The following GABRG3 variants were observed in gnomAD, a reference collection of about 807,000 sequenced individuals.
The protein encoded by GABRG3 is gamma-aminobutyric acid type A receptor subunit gamma3.
In GABRG3, 25 loss-of-function variants were observed where a neutral mutation model predicts 48.8. That is an observed-to-expected ratio of 0.51 (90% CI 0.37 to 0.72). GABRG3 has a LOEUF of 0.72. GABRG3 is among the 30% of genes least tolerant of loss of function. GABRG3 has a pLI of 0.00. For synonymous variants in GABRG3, 227 were observed against 217.6 expected, an observed-to-expected ratio of 1.04 and a Z score of -0.38; for missense variants, 394 against 577.9, an observed-to-expected ratio of 0.68 and a Z score of 3.26.
intron 2 of GABRG3, among the ~76,000 whole-genome samples, chr15:27,007,780 T>C (rs1039830839): frequency 6.6e-6 from 1 of 152,224 alleles, no homozygotes; most frequent in Non-Finnish European, 1.5e-5. Context: ...TGCTGGTTTG[T>C]TTAATTTCCT....
At chr15:27,109,462 C>T (rs529501044) in intron 3 of GABRG3, among the ~76,000 whole-genome samples, 2 of 152,304 alleles carry the variant, frequency 1.3e-5, no homozygotes, top group African/African-American at 4.8e-5. Flanking sequence ...TCATTACCTC[C>T]GATCCCCTGT....
chr15:27,368,321 G>A (rs1015031781), intron 5 of GABRG3, among the ~76,000 whole-genome samples: 3 of 152,298 alleles, frequency 2.0e-5, no homozygotes, highest in South Asian at 2.1e-4. Flanking sequence ...AGGTGGACAC[G>A]CACACATACA....
At chr15:27,194,566 C>G (rs1451277036) in intron 3 of GABRG3, among the ~76,000 whole-genome samples, 1 of 152,176 alleles carries the variant, frequency 6.6e-6, no homozygotes, top group Non-Finnish European at 1.5e-5. Flanking sequence ...TTACTTTCAG[C>G]ACTTGAAATA....
chr15:27,377,202 A>G (rs1242155042), intron 5 of GABRG3, among the ~76,000 whole-genome samples: 2 of 152,204 alleles, frequency 1.3e-5, no homozygotes, highest in Admixed American at 6.5e-5. Context: ...CTTATTGTTC[A>G]TATCACTATA....
At chr15:27,349,833 A>T (rs1894495385) in intron 5 of GABRG3, among the ~76,000 whole-genome samples, 1 of 151,438 alleles carries the variant, frequency 6.6e-6, no homozygotes, top group African/African-American at 2.4e-5. Flanking sequence ...GTTGCACTGG[A>T]TTCTCTCTCC....
chr15:27,340,924 A>C (rs1894151483), intron 5 of GABRG3: 1 of 478,998 alleles, frequency 2.1e-6, no homozygotes, highest in African/African-American at 2.0e-5. Flanking sequence ...GCTTTTTGAA[A>C]GCTGTTTTTT....
Position 26,975,999 on chromosome 15 carries a change from C to T in GABRG3, c.54-1003C>T, listed in dbSNP as rs573246300. Among the ~76,000 whole-genome samples, 1 of 152,276 alleles carries T rather than the reference C, an allele frequency of 6.6e-6. No individual in the cohort carries two copies. The highest frequency in any genetic ancestry group is 1.5e-5 in the Non-Finnish European group (1 of 68,028). ...TTAAGGCAGAAAGAGACTGTCTGCTCTCCAAGCCCAAATAACTATGGTGTT... is the reference window on the plus strand; with the variant it reads ...TTAAGGCAGAAAGAGACTGTCTGCTTTCCAAGCCCAAATAACTATGGTGTT... On this transcript the variant is annotated intron_variant, in intron 1 of 9. Coordinates refer to ENST00000615808, the MANE Select transcript of GABRG3 (RefSeq NM_033223.5). The surrounding 1 kb of genome is among the most constrained non-coding windows in gnomAD (Gnocchi z 4.6).
chr15:27,039,836 C>T (rs893826635), intron 3 of GABRG3, among the ~76,000 whole-genome samples: 2 of 152,202 alleles, frequency 1.3e-5, no homozygotes, highest in Non-Finnish European at 2.9e-5. Context: ...ATTGAGGTTG[C>T]GTTGATGTTC....
intron 5 of GABRG3, among the ~76,000 whole-genome samples, chr15:27,394,418 A>G (rs943152731): frequency 3.9e-5 from 6 of 152,156 alleles, no homozygotes; most frequent in African/African-American, 1.4e-4. Context: ...TGATAAGTAT[A>G]TAAGCACAGT....
intron 5 of GABRG3, among the ~76,000 whole-genome samples, chr15:27,334,644 T>A (rs1024538042): frequency 7.9e-5 from 12 of 152,322 alleles, no homozygotes; most frequent in African/African-American, 2.9e-4. Context: ...AAGTAGCATA[T>A]ATCATTACTC....
intron 3 of GABRG3, among the ~76,000 whole-genome samples, chr15:27,052,076 C>G (rs1896464754): frequency 6.6e-6 from 1 of 152,216 alleles, no homozygotes; most frequent in Admixed American, 6.5e-5. Context: ...CCTCTCACCT[C>G]CTGCTGTGTG....
At chr15:27,209,269 C>A (rs771412061) in intron 3 of GABRG3, among the ~76,000 whole-genome samples, 1 of 152,232 alleles carries the variant, frequency 6.6e-6, no homozygotes, top group Non-Finnish European at 1.5e-5. Context: ...CTGAGCAGCA[C>A]GCAGATGATG....
At chr15:27,320,229 G>C (rs1893373989) in intron 3 of GABRG3, among the ~76,000 whole-genome samples, 1 of 152,202 alleles carries the variant, frequency 6.6e-6, no homozygotes, top group Non-Finnish European at 1.5e-5. Flanking sequence ...CAAGGCTGCT[G>C]TCTTTTTCTC....
chr15:27,436,488 A>G (rs372281504), intron 5 of GABRG3, among the ~76,000 whole-genome samples: 11 of 152,236 alleles, frequency 7.2e-5, no homozygotes, highest in African/African-American at 2.7e-4. Flanking sequence ...TCAACACCGG[A>G]CATGTACAGT....
chr15:27,244,008 G>C (rs1211239081), intron 3 of GABRG3, among the ~76,000 whole-genome samples: 1 of 152,150 alleles, frequency 6.6e-6, no homozygotes, highest in Non-Finnish European at 1.5e-5. Context: ...ACTGGTTCCT[G>C]GTCACTGTGG....
chr15:27,097,839 C>T (rs2140763185), intron 3 of GABRG3, among the ~76,000 whole-genome samples: 1 of 152,228 alleles, frequency 6.6e-6, no homozygotes, highest in Non-Finnish European at 1.5e-5. Flanking sequence ...TTGAGAAGTG[C>T]TGCCCTGGAG....
At chr15:27,356,222 A>G (rs1364250442) in intron 5 of GABRG3, among the ~76,000 whole-genome samples, 2 of 152,188 alleles carry the variant, frequency 1.3e-5, no homozygotes, top group African/African-American at 4.8e-5. Flanking sequence ...AATTTCAAAA[A>G]ACAGTGCCAC....
At chr15:27,349,202 T>G (rs1894474307) in intron 5 of GABRG3, among the ~76,000 whole-genome samples, 1 of 151,854 alleles carries the variant, frequency 6.6e-6, no homozygotes, top group East Asian at 1.9e-4. Context: ...ATATATATCT[T>G]TTTTACATAC....
At chr15:27,042,342 CT>C in intron 3 of GABRG3, among the ~76,000 whole-genome samples, 1 of 152,234 alleles carries the variant, frequency 6.6e-6, no homozygotes. Flanking sequence ...GGGGCCTCCC[CT>C]GCCACCTGAG....
Sources: allele counts gnomAD v4.1 joint callset (sites outside exome capture counted in the v4.1 genomes callset), GRCh38; gene constraint gnomAD v4.1.1; non-coding constraint Gnocchi (gnomAD v3.1); transcripts MANE v1.5; gene names NCBI Gene and HGNC (gene_info 2026-07-23, HGNC 2026-07-21).